Variants in CSMD1 observed in about 807,000 individuals in gnomAD.
CSMD1 encodes CUB and sushi domain-containing protein 1.
A neutral mutation model predicts 417.5 loss-of-function variants in CSMD1; 213 were observed. The observed-to-expected ratio is 0.51, with a 90% CI of 0.46 to 0.57. The LOEUF (loss-of-function observed/expected upper bound fraction) is 0.57. CSMD1 is among the 20% of genes least tolerant of loss of function. The pLI is 0.00. For missense variants in CSMD1, 6,923 were observed against 4,529.7 expected (o/e 1.53, Z -15.17); for synonymous variants, 2,862 against 1,736.8 (o/e 1.65, Z -16.11).
chr8:4,440,710 T>C lies in CSMD1; in HGVS notation c.303-20645A>G, dbSNP rs184422380. Among the ~76,000 whole-genome samples the C allele has an allele frequency of 9.2e-5, 14 of 152,298 alleles. No homozygotes were observed. In the East Asian group the frequency reaches 9.7e-4, roughly 11 times the overall value. ...ATGTATTATTTTACAAATTAATTAA[T>C]TCTGGCCGGGTGTGGTGGTTCATGC... is the stretch of plus-strand genomic sequence containing the variant. On this transcript the variant is annotated intron_variant, in intron 2 of 69. Transcript: ENST00000635120.
intron 1 of CSMD1, among the ~76,000 whole-genome samples, chr8:4,976,083 G>T (rs1810546134): frequency 6.6e-6 from 1 of 152,158 alleles, no homozygotes; most frequent in African/African-American, 2.4e-5. Context: ...GTTGACACAT[G>T]TTCTCACCTA....
chr8:4,925,480 G>C (rs138530605), intron 1 of CSMD1, among the ~76,000 whole-genome samples: 13 of 151,388 alleles, frequency 8.6e-5, no homozygotes, highest in Admixed American at 3.9e-4. Context: ...TTAAAACTCA[G>C]TAATTTCTAG....
intron 12 of CSMD1, among the ~76,000 whole-genome samples, chr8:3,427,574 A>C (rs960494408): frequency 6.6e-6 from 1 of 152,192 alleles, no homozygotes; most frequent in African/African-American, 2.4e-5. Flanking sequence ...CATATTTCAA[A>C]TCTATGAGAT....
chr8:4,957,517 C>CT (rs997233380), intron 1 of CSMD1, among the ~76,000 whole-genome samples: 16 of 152,120 alleles, frequency 1.1e-4, no homozygotes, highest in African/African-American at 3.9e-4. Context: ...TTCTTATCAA[C>CT]TTTTCTGAAG....
intron 7 of CSMD1, among the ~76,000 whole-genome samples, chr8:3,691,349 A>G (rs971537769): frequency 6.6e-6 from 1 of 151,992 alleles, no homozygotes; most frequent in Non-Finnish European, 1.5e-5. Flanking sequence ...CATGGGTGAC[A>G]GAGCAAGACT....
chr8:3,980,161 A>G (rs1013722335), intron 5 of CSMD1, among the ~76,000 whole-genome samples: 2 of 152,198 alleles, frequency 1.3e-5, no homozygotes, highest in Admixed American at 6.5e-5. Flanking sequence ...AGAGCATTTT[A>G]TAATATATGA....
chr8:3,756,389 A>G (rs1237767063), intron 5 of CSMD1, among the ~76,000 whole-genome samples: 1 of 152,098 alleles, frequency 6.6e-6, no homozygotes, highest in African/African-American at 2.4e-5. Context: ...TTTGTATATT[A>G]AAAATCAATA....
intron 12 of CSMD1, among the ~76,000 whole-genome samples, chr8:3,423,884 G>C (rs1174941883): frequency 6.6e-6 from 1 of 152,102 alleles, no homozygotes; most frequent in Non-Finnish European, 1.5e-5. Flanking sequence ...CGAGCTGCTT[G>C]TGTTTAGACA....
intron 2 of CSMD1, among the ~76,000 whole-genome samples, chr8:4,460,848 G>A (rs951163048): frequency 6.6e-6 from 1 of 152,130 alleles, no homozygotes; most frequent in African/African-American, 2.4e-5. Context: ...CAAACATTGA[G>A]AGTAGAATTA....
At chr8:3,118,279 G>C (rs1238012643) in intron 42 of CSMD1, 120 bp downstream of exon 42, 4 of 733,986 alleles carry the variant, frequency 5.4e-6, no homozygotes, top group Admixed American at 3.0e-5. Context: ...AAACATAATA[G>C]ATTCTCAACG....
chr8:3,531,891 T>C (rs1035451885), intron 10 of CSMD1, among the ~76,000 whole-genome samples: 1 of 152,072 alleles, frequency 6.6e-6, no homozygotes, highest in South Asian at 2.1e-4. Flanking sequence ...TCTCCCCTAA[T>C]CAGCACATGC....
At chr8:3,567,279 G>A (rs1270039304) in intron 10 of CSMD1, among the ~76,000 whole-genome samples, 2 of 152,036 alleles carry the variant, frequency 1.3e-5, no homozygotes, top group Non-Finnish European at 2.9e-5. Context: ...AGGGTGCAGG[G>A]TGGGAGGAGG....
At chr8:4,036,495 C>G (rs982122417) in intron 3 of CSMD1, among the ~76,000 whole-genome samples, 3 of 152,178 alleles carry the variant, frequency 2.0e-5, no homozygotes, top group Non-Finnish European at 2.9e-5. Context: ...AAACACCCAT[C>G]TCTTCAAACT....
chr8:4,134,116 A>G (rs1187447154), intron 3 of CSMD1, among the ~76,000 whole-genome samples: 1 of 152,174 alleles, frequency 6.6e-6, no homozygotes, highest in African/African-American at 2.4e-5. Context: ...CTGGTATAAG[A>G]ATATCAAATT....
intron 6 of CSMD1, among the ~76,000 whole-genome samples, chr8:3,739,557 A>G (rs2720831): frequency 0.93 from 141,933 of 152,208 alleles, 67,007 homozygotes; most frequent in Non-Finnish European, 1. Context: ...AAAAGGGAAA[A>G]CTGATTAAAT....
intron 1 of CSMD1, among the ~76,000 whole-genome samples, chr8:4,710,630 G>C (rs1395268921): frequency 1.3e-5 from 2 of 151,396 alleles, no homozygotes; most frequent in African/African-American, 4.8e-5. Context: ...TGGATCACAA[G>C]CTCAGGAGAT....
At chr8:3,818,333 C>A (rs1250741841) in intron 5 of CSMD1, among the ~76,000 whole-genome samples, 4 of 152,138 alleles carry the variant, frequency 2.6e-5, no homozygotes, top group African/African-American at 9.7e-5. Context: ...AAGAAACTCC[C>A]TCATGTGAGA....
intron 22 of CSMD1, among the ~76,000 whole-genome samples, chr8:3,346,663 C>G (rs955843812): frequency 4.6e-5 from 7 of 152,308 alleles, no homozygotes; most frequent in African/African-American, 1.7e-4. Flanking sequence ...CACATAACTT[C>G]TAATGAGGTC....
chr8:4,890,958 T>C (rs953547372), intron 1 of CSMD1, among the ~76,000 whole-genome samples: 2 of 152,034 alleles, frequency 1.3e-5, no homozygotes, highest in African/African-American at 2.4e-5. Flanking sequence ...GGGAAAGTAT[T>C]GGTGGTGTTT....
Sources: gnomAD v4.1 joint callset for allele counts (sites outside exome capture counted in the v4.1 genomes callset) on GRCh38, gnomAD v4.1.1 for gene constraint, MANE v1.5 for transcripts, NCBI Gene and HGNC (gene_info 2026-07-23, HGNC 2026-07-21) for gene names.